Variants in TMPRSS9 observed in about 807,000 individuals in gnomAD.
TMPRSS9 encodes the protein transmembrane serine protease 9, also known as transmembrane protease serine 9.
Under a neutral mutation model 111.4 loss-of-function variants are expected in TMPRSS9, and 113 were observed. The ratio of observed to expected loss-of-function variants is 1.01; its 90% CI spans 0.87 to 1.19. The LOEUF (loss-of-function observed/expected upper bound fraction) is 1.19. Among genes scored for constraint, TMPRSS9 ranks in the 50% most tolerant of loss-of-function variants. TMPRSS9 has a pLI of 0.00. For missense variants in TMPRSS9, 1,803 were observed against 1,513.1 expected, an observed-to-expected ratio of 1.19 and a Z score of -3.18; for synonymous variants, 805 against 659.1, an observed-to-expected ratio of 1.22 and a Z score of -3.39.
chr19:2,422,442 G>A (rs1454593333), intron 14 of TMPRSS9, among the ~76,000 whole-genome samples, 195 bp downstream of exon 15: 3 of 152,128 alleles, frequency 2.0e-5, no homozygotes, highest in Admixed American at 6.5e-5. Context: ...TTAGCCAGGC[G>A]TGGTGGTGGG....
chr19:2,421,946 TAAG>T (rs763722218), exon 14 of TMPRSS9: 4 of 1,613,180 alleles, frequency 2.5e-6, no homozygotes, highest in African/African-American at 1.3e-5. Context: ...GCGCTCAGGT[TAAG>T]AAGCCGGGCG....
chr19:2,420,200 A>C (rs780164640), intron 13 of TMPRSS9, among the ~76,000 whole-genome samples: 51 of 152,120 alleles, frequency 3.4e-4, no homozygotes, highest in Non-Finnish European at 5.9e-4. Flanking sequence ...GCATTTTGGG[A>C]GGCCGAGGCA....
At chr19:2,405,413 T>C in exon 7 of TMPRSS9, 2 of 1,606,666 alleles carry the variant, frequency 1.2e-6, no homozygotes, top group Non-Finnish European at 8.5e-7. Context: ...GCCGGCAGGA[T>C]CGTGGGCGGC....
At chr19:2,370,654 T>C (rs141377926) in intron 1 of TMPRSS9, among the ~76,000 whole-genome samples, 26 of 152,234 alleles carry the variant, frequency 1.7e-4, no homozygotes, top group Admixed American at 3.3e-4. Flanking sequence ...AAATGGACTT[T>C]GCATTATAAT....
At chr19:2,388,308 C>G (rs1439522865), upstream of TMPRSS9, among the ~76,000 whole-genome samples, 1 of 151,980 alleles carries the variant, frequency 6.6e-6, no homozygotes, top group Non-Finnish European at 1.5e-5. Flanking sequence ...ATCGCTTGAG[C>G]CCAGGAGGTG....
chr19:2,409,881 C>T (rs1444779889), intron 8 of TMPRSS9, among the ~76,000 whole-genome samples: 1 of 151,792 alleles, frequency 6.6e-6, no homozygotes, highest in Admixed American at 6.6e-5. Flanking sequence ...CAAGGATGGG[C>T]GTGAGACAGG....
chr19:2,363,807 T>TGTGTGTGCGC (rs1555763793), intron 1 of TMPRSS9, among the ~76,000 whole-genome samples: 1 of 105,980 alleles, frequency 9.4e-6, no homozygotes, highest in African/African-American at 4.7e-5. Context: ...TGTGTGTGCG[T>TGTGTGTGCGC]GCGCGCGTGT....
chr19:2,396,655 C>G lies in TMPRSS9; in HGVS notation c.259C>G (p.Leu87Val), dbSNP rs143633707. Residue 87 changes from leucine (L) to valine (V), a missense_variant, in exon 2 of 18, where the codon CTG becomes GTG. Physicochemically the swap from Leu to Val is conservative, Grantham distance 32. Coordinates refer to ENST00000648592, the Ensembl canonical transcript of TMPRSS9. ...CTATCACCGCACGCTGACGCCCACC[C>G]TGGAGGCACTGGTGAGGGTGGTCTG... 5.6e-6 allele frequency: 9 copies of G among 1,608,438 alleles called. No homozygotes were observed. The Admixed American group carries it at 1.0e-4, about 18-fold the overall frequency.
rs192244633 is a variant in TMPRSS9, at chr19:2,391,635, A to G, written c.142+1708A>G. Reference sequence around the variant, plus strand: ...GTGTGTGTGTCCATCACCTAGTGAGAGGCAGGGGCGGGGCAGAGTTTCTCA... The same window carrying G: ...GTGTGTGTGTCCATCACCTAGTGAGGGGCAGGGGCGGGGCAGAGTTTCTCA... On this transcript the variant is annotated intron_variant, in intron 1 of 17. Coordinates refer to ENST00000648592, the Ensembl canonical transcript of TMPRSS9. 1.3e-4 allele frequency among the ~76,000 whole-genome samples: 19 copies of G among 151,858 alleles called. No homozygotes were observed. The East Asian group carries it at 3.5e-3, about 28-fold the overall frequency.
In TMPRSS9 at chr19:2,416,744, T is replaced by C. The variant is rs116272666; in HGVS notation, c.1952T>C (p.Ile651Thr). 2.5e-4 allele frequency: 397 copies of C among 1,613,018 alleles called. 1 individual carries two copies. The African/African-American group carries it at 4.5e-3, about 18-fold the overall frequency. Residue 651 changes from isoleucine (I) to threonine (T), a missense_variant, in exon 12 of 18, where the codon ATC becomes ACC. Ile to Thr is a moderately conservative substitution (Grantham distance 89). Coordinates refer to ENST00000648592, the Ensembl canonical transcript of TMPRSS9. Reference sequence around the variant, plus strand: ...CAGCCTGTCTGCCTGCCCCTGGCCATCCAGAAGTTCCCTGTGGGCCGGAAG... The same window carrying C: ...CAGCCTGTCTGCCTGCCCCTGGCCACCCAGAAGTTCCCTGTGGGCCGGAAG...
At chr19:2,415,417 G>A (rs1971206750) in intron 10 of TMPRSS9, among the ~76,000 whole-genome samples, 1 of 152,026 alleles carries the variant, frequency 6.6e-6, no homozygotes, top group South Asian at 2.1e-4. Flanking sequence ...TCTGTTGCGG[G>A]GGGTCCTCGG....
chr19:2,413,564 G>A (rs1372188871), intron 9 of TMPRSS9, 136 bp from the exon 11 acceptor site: 1 of 958,442 alleles, frequency 1.0e-6, no homozygotes, highest in Non-Finnish European at 1.6e-6. Context: ...TCAATGATCA[G>A]CCCCAGGTGC....
At chr19:2,368,775 T>TTTTTTTTTTTG (rs1970266378) in intron 1 of TMPRSS9, among the ~76,000 whole-genome samples, 4 of 69,270 alleles carry the variant, frequency 5.8e-5, no homozygotes, top group African/African-American at 4.2e-4. Context: ...ATAAACCCAG[T>TTTTTTTTTTTG]TTTTTTTTTT....
At chr19:2,389,411 C>A (rs1444184340), upstream of TMPRSS9, among the ~76,000 whole-genome samples, 1 of 147,486 alleles carries the variant, frequency 6.8e-6, no homozygotes, top group Non-Finnish European at 1.5e-5. Flanking sequence ...GCTCTGTCAC[C>A]CGGGCTGGAG....
intron 1 of TMPRSS9, among the ~76,000 whole-genome samples, chr19:2,390,885 A>G (rs1016650777): frequency 2.0e-5 from 3 of 151,580 alleles, no homozygotes; most frequent in Non-Finnish European, 2.9e-5. Context: ...AATTTAAAAT[A>G]AGGCCGGGTG....
intron 1 of TMPRSS9, among the ~76,000 whole-genome samples, chr19:2,365,565 G>A (rs1471217884): frequency 3.3e-5 from 5 of 151,842 alleles, no homozygotes; most frequent in African/African-American, 7.3e-5. Context: ...TGGGATGGAC[G>A]TGTCCGAAAA....
At chr19:2,369,681 C>T (rs1283548619) in intron 1 of TMPRSS9, among the ~76,000 whole-genome samples, 1 of 150,930 alleles carries the variant, frequency 6.6e-6, no homozygotes, top group African/African-American at 2.4e-5. Context: ...TCAAGCGATC[C>T]TCCTGCCACA....
At chr19:2,417,868 C>T in intron 12 of TMPRSS9, 134 bp from the exon 14 acceptor site, 4 of 1,254,802 alleles carry the variant, frequency 3.2e-6, no homozygotes, top group Non-Finnish European at 4.4e-6. Flanking sequence ...TTGTGAGATT[C>T]CTGCAACTCT....
In TMPRSS9 at chr19:2,403,347, G is replaced by A. The variant is rs1970895986; in HGVS notation, c.670+152G>A. The A allele has an allele frequency of 1.2e-5, 8 of 654,554 alleles. No individual in the cohort carries two copies. The South Asian group carries it at 1.2e-4, about 10-fold the overall frequency. 40.5% of individuals were successfully genotyped at this position (654,554 alleles called of 1,614,324 possible). On this transcript the variant is annotated intron_variant, in intron 6 of 17. Transcript: ENST00000648592. ...CAGAGAAAAGAAAGGGGCACCCATGGTATGGGGAGAAACATGAGCAAACAG... is the reference window on the plus strand; with the variant it reads ...CAGAGAAAAGAAAGGGGCACCCATGATATGGGGAGAAACATGAGCAAACAG...
Sources: allele counts gnomAD v4.1 joint callset (sites outside exome capture counted in the v4.1 genomes callset), GRCh38; gene constraint gnomAD v4.1.1; transcripts MANE v1.5; gene names NCBI Gene and HGNC (gene_info 2026-07-23, HGNC 2026-07-21).